The following UBAC2 variants were observed in gnomAD, a reference collection of about 807,000 sequenced individuals.
UBAC2 encodes the protein UBA domain containing 2, also known as ubiquitin-associated domain-containing protein 2.
A neutral mutation model predicts 44.0 loss-of-function variants in UBAC2; 26 were observed. The ratio of observed to expected loss-of-function variants is 0.59; its 90% CI spans 0.43 to 0.82. The LOEUF (loss-of-function observed/expected upper bound fraction) is 0.82, where lower values mean the gene tolerates loss of function less well. Ranked by LOEUF, UBAC2 falls within the 40% of genes least tolerant of loss-of-function variation. The pLI is 0.00. For synonymous variants in UBAC2, 155 were observed against 154.3 expected (o/e 1.00, Z -0.04); for missense variants, 329 against 419.4 (o/e 0.78, Z 1.88).
intron 4 of UBAC2, among the ~76,000 whole-genome samples, chr13:99,285,378 A>G (rs2044005373): frequency 6.8e-6 from 1 of 147,122 alleles, no homozygotes; most frequent in Admixed American, 6.8e-5. Flanking sequence ...CTCATTATTT[A>G]TTATTACCTT....
intron 4 of UBAC2, among the ~76,000 whole-genome samples, chr13:99,253,938 A>G (rs1405083849): frequency 6.6e-6 from 1 of 152,240 alleles, no homozygotes; most frequent in East Asian, 1.9e-4. Flanking sequence ...TTTTACTTCC[A>G]TAAGTATTCA....
intron 8 of UBAC2, among the ~76,000 whole-genome samples, chr13:99,384,144 T>A (rs2045588121): frequency 6.6e-6 from 1 of 152,074 alleles, no homozygotes; most frequent in Non-Finnish European, 1.5e-5. Flanking sequence ...GGGCCCCTTC[T>A]CTTTCCACCA....
chr13:99,301,172 A>G (rs1417974083), intron 4 of UBAC2, among the ~76,000 whole-genome samples: 1 of 152,184 alleles, frequency 6.6e-6, no homozygotes, highest in Non-Finnish European at 1.5e-5. Context: ...CGTGCTGCCC[A>G]CACTGAGGGA....
intron 3 of UBAC2, among the ~76,000 whole-genome samples, chr13:99,244,156 A>T (rs1406595156): frequency 1.3e-5 from 2 of 152,210 alleles, no homozygotes; most frequent in East Asian, 1.9e-4. Flanking sequence ...AGTGATAATG[A>T]TAATATGTAG....
At chr13:99,324,677 T>C (rs2044614199) in intron 6 of UBAC2, among the ~76,000 whole-genome samples, 1 of 152,144 alleles carries the variant, frequency 6.6e-6, no homozygotes, top group Admixed American at 6.5e-5. Context: ...ATGAAGAAAC[T>C]GAGGCACAGG....
At chr13:99,240,518 TG>T (rs971507542) in intron 2 of UBAC2, among the ~76,000 whole-genome samples, 13 of 152,154 alleles carry the variant, frequency 8.5e-5, no homozygotes, top group African/African-American at 3.1e-4. Context: ...ATATTAAATG[TG>T]GGGATAGAGG....
At chr13:99,232,399 G>GATAGATATATATATATATAT in intron 1 of UBAC2, among the ~76,000 whole-genome samples, 1 of 109,902 alleles carries the variant, frequency 9.1e-6, no homozygotes, top group Non-Finnish European at 2.1e-5. Flanking sequence ...TTAGTTGAGA[G>GATAGATATATATATATATAT]ATATAGATAT....
At chr13:99,274,857 A>G (rs1402248851) in intron 4 of UBAC2, among the ~76,000 whole-genome samples, 1 of 151,622 alleles carries the variant, frequency 6.6e-6, no homozygotes, top group African/African-American at 2.4e-5. Context: ...AGCTGGGATT[A>G]CAGGTGCGCA....
At chr13:99,356,332 C>A in intron 7 of UBAC2, 1 of 402,518 alleles carries the variant, frequency 2.5e-6, no homozygotes, top group Non-Finnish European at 5.5e-6. Flanking sequence ...CTTTGGGACT[C>A]CAGCCGACTA....
Position 99,241,787 on chromosome 13 carries a change from G to A in UBAC2, c.160-2045G>A, listed in dbSNP as rs375911307. On this transcript the variant is annotated intron_variant, in intron 2 of 8. Transcript: ENST00000403766. ...TCATTCTTGGGTGTTTCTCGCACAG[G>A]GGGATTTGGCAGGGTCATAGGACAA... Among the ~76,000 whole-genome samples the A allele has an allele frequency of 2.0e-5, 3 of 149,074 alleles. No homozygotes were observed. In the East Asian group the frequency reaches 5.9e-4, roughly 29 times the overall value.
intron 4 of UBAC2, among the ~76,000 whole-genome samples, chr13:99,298,213 G>T (rs2044205369): frequency 6.6e-6 from 1 of 152,154 alleles, no homozygotes. Context: ...AACAGAACTT[G>T]TACTGAAGAC....
At chr13:99,259,310 TG>T (rs1367778736) in intron 4 of UBAC2, among the ~76,000 whole-genome samples, 2 of 152,266 alleles carry the variant, frequency 1.3e-5, no homozygotes, top group East Asian at 1.9e-4. Flanking sequence ...TAAATGTATT[TG>T]TTTTTTTGAA....
At chr13:99,222,111 T>G (rs1174537686) in intron 1 of UBAC2, among the ~76,000 whole-genome samples, 1 of 152,206 alleles carries the variant, frequency 6.6e-6, no homozygotes, top group Non-Finnish European at 1.5e-5. Context: ...ATTCTGGCTA[T>G]GGGGATATGG....
At chr13:99,267,249 T>C (rs1414399452) in intron 4 of UBAC2, among the ~76,000 whole-genome samples, 1 of 152,238 alleles carries the variant, frequency 6.6e-6, no homozygotes, top group Non-Finnish European at 1.5e-5. Context: ...AGGAGCTCTT[T>C]ATGTAATCTA....
chr13:99,310,168 A>T (rs1365136403), intron 4 of UBAC2, among the ~76,000 whole-genome samples: 1 of 152,192 alleles, frequency 6.6e-6, no homozygotes, highest in Non-Finnish European at 1.5e-5. Context: ...TTCTAAAAAA[A>T]GTTTAAAAAT....
intron 8 of UBAC2, among the ~76,000 whole-genome samples, chr13:99,370,789 AG>A (rs2045395578): frequency 6.6e-6 from 1 of 152,196 alleles, no homozygotes; most frequent in Non-Finnish European, 1.5e-5. Context: ...TGATGGTTTC[AG>A]CAGCTCTTCA....
intron 4 of UBAC2, among the ~76,000 whole-genome samples, chr13:99,298,659 A>G (rs942058661): frequency 1.3e-5 from 2 of 152,296 alleles, no homozygotes; most frequent in African/African-American, 4.8e-5. Context: ...ATAAAAGACA[A>G]TAAATATCAG....
At chr13:99,326,393 G>T (rs2044641352) in intron 6 of UBAC2, among the ~76,000 whole-genome samples, 1 of 152,054 alleles carries the variant, frequency 6.6e-6, no homozygotes, top group South Asian at 2.1e-4. Flanking sequence ...TAGGTTATTA[G>T]TTTTTTGGTA....
At chr13:99,275,897 T>A (rs559850679) in intron 4 of UBAC2, among the ~76,000 whole-genome samples, 1 of 152,198 alleles carries the variant, frequency 6.6e-6, no homozygotes, top group Non-Finnish European at 1.5e-5. Context: ...GATCTGTGCA[T>A]TTGTTTCTTC....
Sources: allele counts gnomAD v4.1 joint callset (sites outside exome capture counted in the v4.1 genomes callset), GRCh38; gene constraint gnomAD v4.1.1; transcripts MANE v1.5; gene names NCBI Gene and HGNC (gene_info 2026-07-23, HGNC 2026-07-21).